Variants in HMCN1 observed in about 807,000 individuals in gnomAD.
The protein encoded by HMCN1 is hemicentin-1.
Under a neutral mutation model 625.9 loss-of-function variants are expected in HMCN1, and 321 were observed. The ratio of observed to expected loss-of-function variants is 0.51; its 90% CI spans 0.47 to 0.56. HMCN1 has a LOEUF of 0.56. HMCN1 is among the 20% of genes least tolerant of loss of function. The probability of loss-of-function intolerance (pLI) is 0.00; values close to 1 mark genes in which losing one functional copy is unlikely to be tolerated. For missense variants in HMCN1, 6,588 were observed against 6,887.3 expected, an observed-to-expected ratio of 0.96 and a Z score of 1.54; for synonymous variants, 2,425 against 2,417.6, an observed-to-expected ratio of 1.00 and a Z score of -0.09.
chr1:185,952,440 G>A (rs1000465108), intron 11 of HMCN1, among the ~76,000 whole-genome samples: 3 of 151,640 alleles, frequency 2.0e-5, no homozygotes, highest in African/African-American at 4.9e-5. Flanking sequence ...GTACTGAGGG[G>A]ACAGGTGGGA....
chr1:186,142,608 A>C (rs1006926331), intron 89 of HMCN1, among the ~76,000 whole-genome samples: 1 of 151,888 alleles, frequency 6.6e-6, no homozygotes, highest in Non-Finnish European at 1.5e-5. Context: ...TTTTATGCCA[A>C]CTCCAGTTTA....
intron 69 of HMCN1, 121 bp from the exon 70 acceptor site, chr1:186,106,763 A>C: frequency 1.3e-6 from 1 of 759,584 alleles, no homozygotes; most frequent in Non-Finnish European, 2.4e-6. Context: ...AGTGTTAAAC[A>C]GTTGGCTTTA....
intron 2 of HMCN1, among the ~76,000 whole-genome samples, chr1:185,861,342 T>C (rs11581777): frequency 0.23 from 35,356 of 152,146 alleles, 4,553 homozygotes; most frequent in Non-Finnish European, 0.29. Flanking sequence ...GGTACACACA[T>C]GACAATTAGT....
chr1:185,750,627 G>A (rs1368521847), intron 1 of HMCN1, among the ~76,000 whole-genome samples: 1 of 151,954 alleles, frequency 6.6e-6, no homozygotes, highest in African/African-American at 2.4e-5. Context: ...TAATAATACT[G>A]TTCCATATCT....
chr1:185,813,777 T>C (rs1360009825), intron 1 of HMCN1, among the ~76,000 whole-genome samples: 1 of 152,208 alleles, frequency 6.6e-6, no homozygotes, highest in Non-Finnish European at 1.5e-5. Context: ...TTTTTACTTG[T>C]GTTTGCTGTC....
At chr1:185,837,052 A>AAT (rs930635851) in intron 1 of HMCN1, among the ~76,000 whole-genome samples, 14 of 147,466 alleles carry the variant, frequency 9.5e-5, no homozygotes, top group Non-Finnish European at 1.6e-4. Flanking sequence ...TATATATATA[A>AAT]ATATATATAT....
intron 1 of HMCN1, among the ~76,000 whole-genome samples, chr1:185,789,458 A>G (rs57107751): frequency 0.09 from 13,700 of 152,200 alleles, 1,983 homozygotes; most frequent in African/African-American, 0.31. Context: ...GATATAATGA[A>G]GAATGTTTGA....
Position 186,067,694 on chromosome 1 carries a change from AAATAATAAT to A in HMCN1, c.7706-127_7706-119del. On this transcript the variant is annotated intron_variant, in intron 49 of 106. Coordinates refer to ENST00000271588, the MANE Select transcript of HMCN1 (RefSeq NM_031935.3). Reference sequence around the variant, plus strand: ...TTTTAAGGGATCACTCTTTTGTGTAAAATAATAATAATAATAATAATTTGTTTTCTGTAA... The same window carrying A: ...TTTTAAGGGATCACTCTTTTGTGTAAAATAATAATAATTTGTTTTCTGTAA... 1.3e-5 allele frequency: 8 copies of A among 616,578 alleles called. No individual in the cohort carries two copies. The South Asian group carries it at 1.7e-4, about 13-fold the overall frequency. 38.2% of individuals were successfully genotyped at this position (616,578 alleles called of 1,614,324 possible).
chr1:186,147,516 TG>T (rs1437009599), intron 93 of HMCN1, among the ~76,000 whole-genome samples: 1 of 151,866 alleles, frequency 6.6e-6, no homozygotes, highest in Admixed American at 6.6e-5. Context: ...ATAAAAGTAA[TG>T]TAAATTAAAA....
At chr1:185,901,289 T>G (rs1001359219) in intron 4 of HMCN1, among the ~76,000 whole-genome samples, 3 of 151,766 alleles carry the variant, frequency 2.0e-5, no homozygotes, top group African/African-American at 7.2e-5. Context: ...TTTGTTTCCT[T>G]CTCTCCCAAC....
intron 1 of HMCN1, among the ~76,000 whole-genome samples, chr1:185,777,962 G>A (rs1401205484): frequency 6.6e-6 from 1 of 152,116 alleles, no homozygotes; most frequent in Non-Finnish European, 1.5e-5. Flanking sequence ...ACTTGAAAGG[G>A]GCTGTGGCTG....
At chr1:185,890,501 G>T (rs1226136331) in intron 4 of HMCN1, among the ~76,000 whole-genome samples, 2 of 144,936 alleles carry the variant, frequency 1.4e-5, no homozygotes, top group African/African-American at 2.8e-5. Flanking sequence ...AGAGATTCTG[G>T]TATGTTGTGT....
chr1:186,170,202 G>A (rs1160265729), intron 100 of HMCN1, among the ~76,000 whole-genome samples: 1 of 152,006 alleles, frequency 6.6e-6, no homozygotes, highest in Non-Finnish European at 1.5e-5. Context: ...GAAACAATAA[G>A]ATGCTGGAGA....
At chr1:185,901,631 C>G (rs1384349277) in intron 4 of HMCN1, among the ~76,000 whole-genome samples, 1 of 151,798 alleles carries the variant, frequency 6.6e-6, no homozygotes, top group Non-Finnish European at 1.5e-5. Flanking sequence ...GCCATCAAAA[C>G]AATGATCCAG....
chr1:186,182,043 C>A, intron 104 of HMCN1, 125 bp from the exon 105 acceptor site: 2 of 1,023,572 alleles, frequency 2.0e-6, no homozygotes, highest in Non-Finnish European at 3.0e-6. Context: ...CATTTTTTAA[C>A]ACATGAGTAT....
At chr1:186,020,705 A>C (rs1460644919) in intron 35 of HMCN1, among the ~76,000 whole-genome samples, 1 of 152,144 alleles carries the variant, frequency 6.6e-6, no homozygotes, top group African/African-American at 2.4e-5. Context: ...ATTAGAGTTC[A>C]GAAGACTCCA....
chr1:186,016,942 T>G (rs1654407078), intron 32 of HMCN1, 21 bp from the exon 33 acceptor site: 7 of 1,317,706 alleles, frequency 5.3e-6, no homozygotes, highest in Non-Finnish European at 6.6e-6. Flanking sequence ...CTTTGCATGT[T>G]ACATTCCTGT....
At chr1:186,166,107 A>C in intron 98 of HMCN1, 77 bp from the exon 99 acceptor site, 5 of 1,562,562 alleles carry the variant, frequency 3.2e-6, no homozygotes, top group Non-Finnish European at 4.4e-6. Flanking sequence ...ATAAGCAGTT[A>C]TTTTTACTGG....
intron 56 of HMCN1, among the ~76,000 whole-genome samples, chr1:186,082,148 G>A (rs1048703795): frequency 2.0e-5 from 3 of 152,086 alleles, no homozygotes; most frequent in South Asian, 4.1e-4. Context: ...ATGGTTCTGT[G>A]TCCAAGTCCA....
Sources: gnomAD v4.1 joint callset for allele counts (sites outside exome capture counted in the v4.1 genomes callset) on GRCh38, gnomAD v4.1.1 for gene constraint, MANE v1.5 for transcripts, NCBI Gene and HGNC (gene_info 2026-07-23, HGNC 2026-07-21) for gene names.